CTNNA2: variants seen among roughly 807,000 people sequenced by gnomAD.
CTNNA2 encodes catenin alpha-2.
Under a neutral mutation model 101.0 loss-of-function variants are expected in CTNNA2, and 42 were observed. The ratio of observed to expected loss-of-function variants is 0.42; its 90% CI spans 0.32 to 0.54. CTNNA2 has a LOEUF of 0.54. Among genes scored for constraint, CTNNA2 ranks in the 20% least tolerant of loss-of-function variants. The pLI, the probability that CTNNA2 is intolerant of heterozygous loss-of-function variation, is 0.14. For missense variants in CTNNA2, 871 were observed against 1,223.1 expected, an observed-to-expected ratio of 0.71 and a Z score of 4.29; for synonymous variants, 450 against 456.4, an observed-to-expected ratio of 0.99 and a Z score of 0.18.
At chr2:80,455,755 C>A (rs1490442918) in intron 9 of CTNNA2, among the ~76,000 whole-genome samples, 1 of 152,150 alleles carries the variant, frequency 6.6e-6, no homozygotes, top group Non-Finnish European at 1.5e-5. Context: ...AGGCCAGTGC[C>A]ATTGCTTACC....
chr2:79,973,902 G>A (rs777384498), intron 7 of CTNNA2, among the ~76,000 whole-genome samples: 3 of 152,030 alleles, frequency 2.0e-5, no homozygotes, highest in Non-Finnish European at 2.9e-5. Flanking sequence ...CAAAGTATTT[G>A]TCAATCAAAG....
intron 14 of CTNNA2, among the ~76,000 whole-genome samples, chr2:80,588,226 C>T (rs113564015): frequency 7.9e-5 from 12 of 152,172 alleles, no homozygotes; most frequent in Non-Finnish European, 1.5e-4. Context: ...GGCACATGCC[C>T]GCCTTCTCGT....
intron 7 of CTNNA2, among the ~76,000 whole-genome samples, chr2:80,357,203 C>A (rs1673897469): frequency 1.3e-5 from 2 of 151,864 alleles, no homozygotes; most frequent in South Asian, 4.2e-4. Flanking sequence ...CTTTTAGTTA[C>A]CTTGCCAGGA....
At chr2:80,529,710 C>A (rs1690358845) in intron 9 of CTNNA2, among the ~76,000 whole-genome samples, 1 of 152,152 alleles carries the variant, frequency 6.6e-6, no homozygotes, top group African/African-American at 2.4e-5. Context: ...TAAACAGAAG[C>A]AAGTTACATA....
chr2:79,689,683 A>T (rs1684163595), intron 2 of CTNNA2, among the ~76,000 whole-genome samples: 1 of 152,066 alleles, frequency 6.6e-6, no homozygotes. Flanking sequence ...CTACAGGGGT[A>T]TTTAAATATA....
At chr2:79,898,497 G>C (rs985600905) in intron 6 of CTNNA2, among the ~76,000 whole-genome samples, 1 of 152,108 alleles carries the variant, frequency 6.6e-6, no homozygotes, top group African/African-American at 2.4e-5. Context: ...ACAGCTACAA[G>C]TGCACGGGCC....
At chr2:79,284,769 C>T (rs1675512601) in intron 2 of CTNNA2, among the ~76,000 whole-genome samples, 1 of 150,188 alleles carries the variant, frequency 6.7e-6, no homozygotes, top group South Asian at 2.1e-4. Context: ...ATGATGCTGG[C>T]CTCATCAAAT....
At chr2:80,432,363 T>C (rs1334836037) in intron 9 of CTNNA2, among the ~76,000 whole-genome samples, 3 of 152,190 alleles carry the variant, frequency 2.0e-5, no homozygotes, top group Non-Finnish European at 4.4e-5. Flanking sequence ...ATGTTTTAAT[T>C]GACCTTAATG....
At chr2:79,430,423 C>T (rs1678647482) in intron 4 of CTNNA2, among the ~76,000 whole-genome samples, 1 of 152,008 alleles carries the variant, frequency 6.6e-6, no homozygotes, top group African/African-American at 2.4e-5. Flanking sequence ...TTATAAATAC[C>T]TAGAAGCGCT....
At chr2:80,493,519 G>A (rs1414667350) in intron 9 of CTNNA2, among the ~76,000 whole-genome samples, 2 of 152,172 alleles carry the variant, frequency 1.3e-5, no homozygotes, top group African/African-American at 4.8e-5. Flanking sequence ...AATGGGCTTG[G>A]AAGATGGACA....
intron 7 of CTNNA2, among the ~76,000 whole-genome samples, chr2:80,203,014 C>A (rs190705534): frequency 1.3e-5 from 2 of 152,318 alleles, no homozygotes; most frequent in African/African-American, 4.8e-5. Flanking sequence ...TTGTGCAGAG[C>A]AACTCCTGTT....
chr2:79,253,468 T>C (rs1361146943), intron 2 of CTNNA2, among the ~76,000 whole-genome samples: 3 of 152,248 alleles, frequency 2.0e-5, no homozygotes, highest in African/African-American at 7.2e-5. Context: ...CAAATCAGCC[T>C]GCATCTATCT....
intron 3 of CTNNA2, among the ~76,000 whole-genome samples, chr2:79,767,182 A>G (rs1673227869): frequency 6.6e-6 from 1 of 151,896 alleles, no homozygotes; most frequent in Non-Finnish European, 1.5e-5. Flanking sequence ...CTCCCTAATT[A>G]CTTCTTGATT....
chr2:80,571,766 T>C (rs1427276151), intron 12 of CTNNA2, among the ~76,000 whole-genome samples: 1 of 152,172 alleles, frequency 6.6e-6, no homozygotes, highest in East Asian at 1.9e-4. Context: ...TGTCTGTGGA[T>C]CTGCAGTTAG....
chr2:80,389,232 C>A (rs1677282876), intron 7 of CTNNA2, among the ~76,000 whole-genome samples: 1 of 152,102 alleles, frequency 6.6e-6, no homozygotes, highest in Non-Finnish European at 1.5e-5. Flanking sequence ...TTGTTTCTAG[C>A]ACATTGCCAT....
At chr2:80,232,205 G>A (rs1468374827) in intron 7 of CTNNA2, among the ~76,000 whole-genome samples, 3 of 152,030 alleles carry the variant, frequency 2.0e-5, no homozygotes, top group Non-Finnish European at 2.9e-5. Flanking sequence ...GTAAAACCAA[G>A]CTGTAACCCA....
intron 7 of CTNNA2, among the ~76,000 whole-genome samples, chr2:80,011,165 A>G (rs929981903): frequency 6.6e-6 from 1 of 152,198 alleles, no homozygotes; most frequent in Non-Finnish European, 1.5e-5. Context: ...AAAAACCTAG[A>G]GTCCTTCCAA....
At chr2:79,525,533 A>G (rs1280661124) in intron 1 of CTNNA2, among the ~76,000 whole-genome samples, 2 of 151,970 alleles carry the variant, frequency 1.3e-5, no homozygotes, top group African/African-American at 2.4e-5. Context: ...TGTTTTCTCC[A>G]TTAAAGGTAA....
intron 7 of CTNNA2, chr2:80,163,158 A>G: frequency 6.6e-7 from 1 of 1,510,842 alleles, no homozygotes; most frequent in African/African-American, 1.4e-5. Context: ...GCCTGGTGGA[A>G]AACCTCGAAA....
Sources: allele counts gnomAD v4.1 joint callset (sites outside exome capture counted in the v4.1 genomes callset), GRCh38; gene constraint gnomAD v4.1.1; transcripts MANE v1.5; gene names NCBI Gene and HGNC (gene_info 2026-07-23, HGNC 2026-07-21).